RANBP2: variants seen among roughly 807,000 people sequenced by gnomAD.
The protein encoded by RANBP2 is E3 SUMO-protein ligase RanBP2.
Under a neutral mutation model 303.6 loss-of-function variants are expected in RANBP2, and 57 were observed. The ratio of observed to expected loss-of-function variants is 0.19; its 90% CI spans 0.15 to 0.23. The LOEUF (loss-of-function observed/expected upper bound fraction) is 0.23, where lower values mean the gene tolerates loss of function less well. RANBP2 is among the 10% of genes least tolerant of loss of function. RANBP2 has a pLI of 1.00. For synonymous variants in RANBP2, 1,167 were observed against 1,301.5 expected, an observed-to-expected ratio of 0.90 and a Z score of 2.23; for missense variants, 3,138 against 3,780.8, an observed-to-expected ratio of 0.83 and a Z score of 4.46.
At chr2:108,815,991 G>C in the RANBP2 span, 2 of 1,613,494 alleles carry the variant, frequency 1.2e-6, no homozygotes, top group Non-Finnish European at 1.7e-6. Context: ...TCATGGACTG[G>C]ATTTCGGATC....
At chr2:108,929,051 T>C in the RANBP2 span, 2 of 927,660 alleles carry the variant, frequency 2.2e-6, no homozygotes, top group Non-Finnish European at 3.4e-6. Flanking sequence ...TGGATGCTGC[T>C]CCTTGTGGGA....
At chr2:109,577,767 G>GCC in the RANBP2 span, among the ~76,000 whole-genome samples, 36 of 151,484 alleles carry the variant, frequency 2.4e-4, no homozygotes, top group African/African-American at 8.2e-4. Flanking sequence ...ACAAAAATTA[G>GCC]CCAGGTGGGG....
chr2:109,158,077 C>CA, the RANBP2 span, among the ~76,000 whole-genome samples: 1 of 152,172 alleles, frequency 6.6e-6, no homozygotes, highest in African/African-American at 2.4e-5. Flanking sequence ...GCTGGACTCC[C>CA]ATTTTACAGA....
the RANBP2 span, among the ~76,000 whole-genome samples, chr2:109,079,986 A>G: frequency 2.0e-5 from 3 of 152,248 alleles, no homozygotes; most frequent in Non-Finnish European, 4.4e-5. Context: ...CTGGGACGAC[A>G]GAAAGACAGC....
the RANBP2 span, among the ~76,000 whole-genome samples, chr2:109,207,583 T>C: frequency 2.0e-5 from 3 of 152,228 alleles, no homozygotes; most frequent in East Asian, 1.9e-4. Context: ...TATTAAGATA[T>C]TGAAATTGTG....
chr2:109,387,540 C>T, the RANBP2 span, among the ~76,000 whole-genome samples: 1 of 152,174 alleles, frequency 6.6e-6, no homozygotes, highest in African/African-American at 2.4e-5. Context: ...CATCACCCTT[C>T]CCCAGATGTG....
At chr2:108,893,539 C>G in the RANBP2 span, among the ~76,000 whole-genome samples, 1 of 151,612 alleles carries the variant, frequency 6.6e-6, no homozygotes, top group Non-Finnish European at 1.5e-5. Context: ...AGATCTTGAT[C>G]AAATGGGGGA....
chr2:109,453,202 T>C, the RANBP2 span, among the ~76,000 whole-genome samples: 4 of 152,322 alleles, frequency 2.6e-5, no homozygotes, highest in South Asian at 6.2e-4. Context: ...TGCCAGCCTA[T>C]GCAGGAACCT....
At chr2:109,516,563 C>G in the RANBP2 span, among the ~76,000 whole-genome samples, 14 of 152,182 alleles carry the variant, frequency 9.2e-5, no homozygotes, top group Non-Finnish European at 1.9e-4. Flanking sequence ...GTGAGGGCCG[C>G]CACTGGAGGG....
chr2:109,168,951 C>G, the RANBP2 span, among the ~76,000 whole-genome samples: 1 of 152,170 alleles, frequency 6.6e-6, no homozygotes, highest in African/African-American at 2.4e-5. Flanking sequence ...CTCGAGGGCT[C>G]AGTACACATT....
chr2:109,518,938 T>TTTTTTTTTTTTTTTTTGG, the RANBP2 span, among the ~76,000 whole-genome samples: 1 of 143,584 alleles, frequency 7.0e-6, no homozygotes, highest in African/African-American at 2.5e-5. Context: ...TTTTTTTTTT[T>TTTTTTTTTTTTTTTTTGG]GAGGGAGTCT....
At chr2:109,051,684 G>T in the RANBP2 span, among the ~76,000 whole-genome samples, 1 of 152,020 alleles carries the variant, frequency 6.6e-6, no homozygotes, top group African/African-American at 2.4e-5. Context: ...CATTTGGCTG[G>T]CTAAGACAGC....
At chr2:109,370,497 C>T in the RANBP2 span, among the ~76,000 whole-genome samples, 3 of 152,120 alleles carry the variant, frequency 2.0e-5, no homozygotes, top group African/African-American at 7.2e-5. Context: ...CCTCGACCTC[C>T]CAAAGTGCTG....
At chr2:109,630,233 C>T in the RANBP2 span, among the ~76,000 whole-genome samples, 7 of 152,138 alleles carry the variant, frequency 4.6e-5, no homozygotes, top group African/African-American at 1.7e-4. Context: ...TCTTAAAAAA[C>T]CCTCCCTGGG....
the RANBP2 span, among the ~76,000 whole-genome samples, chr2:109,412,679 C>T: frequency 6.6e-6 from 1 of 152,236 alleles, no homozygotes; most frequent in Non-Finnish European, 1.5e-5. Flanking sequence ...TCAGCCAGAC[C>T]TCAAGTGTTA....
intron 17 of RANBP2, among the ~76,000 whole-genome samples, chr2:108,757,908 G>T (rs1240040864): frequency 1.3e-5 from 2 of 152,192 alleles, no homozygotes; most frequent in Non-Finnish European, 2.9e-5. Flanking sequence ...ATTAATAAAT[G>T]AAAATGGGAG....
chr2:109,237,879 T>C, the RANBP2 span, among the ~76,000 whole-genome samples: 2 of 152,162 alleles, frequency 1.3e-5, no homozygotes, highest in Non-Finnish European at 2.9e-5. Flanking sequence ...TTATTAATAG[T>C]GTGGAGATTG....
chr2:108,912,672 C>T, the RANBP2 span: 5 of 1,583,682 alleles, frequency 3.2e-6, no homozygotes, highest in African/African-American at 6.7e-5. Flanking sequence ...TGAGCACCCT[C>T]CTCACCTTTG....
chr2:109,742,746 T>A, the RANBP2 span, among the ~76,000 whole-genome samples: 3 of 147,114 alleles, frequency 2.0e-5, no homozygotes, highest in Non-Finnish European at 1.5e-5. Context: ...GTCAGAGTAC[T>A]GACACCATCT....
Sources: gnomAD v4.1 joint callset for allele counts (sites outside exome capture counted in the v4.1 genomes callset) on GRCh38, gnomAD v4.1.1 for gene constraint, MANE v1.5 for transcripts, NCBI Gene and HGNC (gene_info 2026-07-23, HGNC 2026-07-21) for gene names.